The following CNTNAP5 variants were observed in gnomAD, a reference collection of about 807,000 sequenced individuals.
CNTNAP5 encodes the protein contactin associated protein family member 5.
In CNTNAP5, 72 loss-of-function variants were observed where a neutral mutation model predicts 150.2. That is an observed-to-expected ratio of 0.48 (90% CI 0.40 to 0.58). The LOEUF (loss-of-function observed/expected upper bound fraction) is 0.58. CNTNAP5 is among the 20% of genes least tolerant of loss of function. The pLI is 0.00. For missense variants in CNTNAP5, 1,636 were observed against 1,626.2 expected (o/e 1.01, Z -0.10); for synonymous variants, 672 against 619.8 (o/e 1.08, Z -1.25).
chr2:124,241,145 G>A (rs1324552124), intron 2 of CNTNAP5, among the ~76,000 whole-genome samples: 1 of 152,136 alleles, frequency 6.6e-6, no homozygotes, highest in Admixed American at 6.6e-5. Context: ...AACAGTAGAA[G>A]TGAATATTGT....
intron 1 of CNTNAP5, among the ~76,000 whole-genome samples, chr2:124,055,125 A>T (rs1200390460): frequency 6.6e-6 from 1 of 152,246 alleles, no homozygotes; most frequent in Non-Finnish European, 1.5e-5. Flanking sequence ...CACAGACAAG[A>T]AGCCAACCAA....
At chr2:124,497,827 G>A (rs1232895539) in intron 7 of CNTNAP5, among the ~76,000 whole-genome samples, 1 of 152,136 alleles carries the variant, frequency 6.6e-6, no homozygotes, top group Non-Finnish European at 1.5e-5. Flanking sequence ...TCAGACCACT[G>A]CAGTGGTTCC....
intron 12 of CNTNAP5, among the ~76,000 whole-genome samples, chr2:124,636,038 T>C (rs1036916616): frequency 2.0e-5 from 3 of 152,220 alleles, no homozygotes; most frequent in Non-Finnish European, 4.4e-5. Context: ...GCTCTCCCTC[T>C]TTAGAGTATG....
chr2:124,672,819 G>T (rs924561998), intron 13 of CNTNAP5, among the ~76,000 whole-genome samples: 6 of 151,772 alleles, frequency 4.0e-5, no homozygotes, highest in Admixed American at 2.0e-4. Flanking sequence ...TGACCAAGAA[G>T]ATTTAAAGAA....
rs183895068 is a variant in CNTNAP5, at chr2:124,910,347, C to G, written c.3656-1120C>G. Among the ~76,000 whole-genome samples, 129 of 152,108 alleles carry G rather than the reference C, an allele frequency of 8.5e-4. 1 individual carries two copies. Among genetic ancestry groups the G allele is most frequent in the African/African-American group, 3.0e-3 (123 of 41,504 alleles). On this transcript the variant is annotated intron_variant, in intron 22 of 23. Transcript: ENST00000682447. ...TAGTAAGCAAAATTATAAGAAGAAA[C>G]AAGATTTAGTGAGCACTTACGTTGT... is the stretch of plus-strand genomic sequence containing the variant.
chr2:124,540,314 G>A (rs373398551), intron 10 of CNTNAP5, among the ~76,000 whole-genome samples: 15 of 152,132 alleles, frequency 9.9e-5, no homozygotes, highest in African/African-American at 3.6e-4. Flanking sequence ...TCAAATCATT[G>A]TATTGAGAAT....
intron 11 of CNTNAP5, among the ~76,000 whole-genome samples, chr2:124,608,684 C>T (rs1677306277): frequency 6.6e-6 from 1 of 152,154 alleles, no homozygotes; most frequent in Admixed American, 6.5e-5. Context: ...CAGTGGTTCA[C>T]ACATGTAATC....
At chr2:124,177,906 G>A (rs1685107706) in intron 1 of CNTNAP5, among the ~76,000 whole-genome samples, 1 of 150,818 alleles carries the variant, frequency 6.6e-6, no homozygotes, top group African/African-American at 2.4e-5. Context: ...GAGTGCAGTG[G>A]CATGGTCTCG....
At chr2:124,207,025 A>G (rs1177694444) in intron 1 of CNTNAP5, among the ~76,000 whole-genome samples, 1 of 152,238 alleles carries the variant, frequency 6.6e-6, no homozygotes, top group Admixed American at 6.5e-5. Flanking sequence ...GATGTTTAGT[A>G]TCAAATGGTA....
chr2:124,827,624 A>G (rs767604323), intron 19 of CNTNAP5, among the ~76,000 whole-genome samples: 11 of 152,180 alleles, frequency 7.2e-5, no homozygotes, highest in Non-Finnish European at 1.2e-4. Context: ...GTGAAGACGA[A>G]CATAGTCCAC....
intron 1 of CNTNAP5, among the ~76,000 whole-genome samples, chr2:124,051,506 C>T (rs968471658): frequency 1.3e-5 from 2 of 152,186 alleles, no homozygotes; most frequent in Admixed American, 6.5e-5. Context: ...TTAAAAATGG[C>T]ATATGACAGG....
chr2:124,310,945 C>T (rs967385462), intron 3 of CNTNAP5, among the ~76,000 whole-genome samples: 8 of 152,098 alleles, frequency 5.3e-5, no homozygotes, highest in African/African-American at 1.9e-4. Context: ...TCGACACTTT[C>T]ATGACTGTTT....
chr2:124,277,136 G>T (rs1558830970), intron 3 of CNTNAP5, among the ~76,000 whole-genome samples: 1 of 152,138 alleles, frequency 6.6e-6, no homozygotes, highest in South Asian at 2.1e-4. Context: ...AGAACAGGCT[G>T]CTTTTAAATA....
intron 11 of CNTNAP5, among the ~76,000 whole-genome samples, chr2:124,566,337 T>C (rs998437853): frequency 3.3e-5 from 5 of 152,170 alleles, no homozygotes; most frequent in African/African-American, 1.2e-4. Context: ...CAAAAGTAAT[T>C]TAACAATTTT....
intron 17 of CNTNAP5, among the ~76,000 whole-genome samples, chr2:124,776,554 CT>C (rs1681328905): frequency 1.3e-5 from 2 of 152,136 alleles, no homozygotes; most frequent in African/African-American, 4.8e-5. Context: ...TTCCTAAACT[CT>C]TGATTTGTGG....
chr2:124,286,247 G>A (rs1189692533), intron 3 of CNTNAP5, among the ~76,000 whole-genome samples: 3 of 152,114 alleles, frequency 2.0e-5, no homozygotes, highest in Admixed American at 2.0e-4. Flanking sequence ...CCTTTCCCTT[G>A]GGAATGCCAT....
chr2:124,900,499 A>C (rs1287730056), intron 21 of CNTNAP5, among the ~76,000 whole-genome samples: 4 of 151,494 alleles, frequency 2.6e-5, no homozygotes, highest in Non-Finnish European at 4.4e-5. Flanking sequence ...CTTATAGTAC[A>C]TCTGGAAGAA....
In CNTNAP5 at chr2:124,806,075, A is replaced by G. The variant is rs573095257; in HGVS notation, c.3217+7755A>G. 7.4e-4 allele frequency among the ~76,000 whole-genome samples: 112 copies of G among 152,338 alleles called. 2 individuals carry two copies. Among genetic ancestry groups the G allele is most frequent in the Middle Eastern group, 3.4e-3 (1 of 294 alleles). Reference sequence around the variant, plus strand: ...CCTGCCATGTGCTAGATGCTGTTCCATGTGCTCATGGTAGAAAAATAAGTA... The same window carrying G: ...CCTGCCATGTGCTAGATGCTGTTCCGTGTGCTCATGGTAGAAAAATAAGTA... On this transcript the variant is annotated intron_variant, in intron 19 of 23. Coordinates refer to ENST00000682447, the MANE Select transcript of CNTNAP5 (RefSeq NM_001367498.1).
intron 3 of CNTNAP5, among the ~76,000 whole-genome samples, chr2:124,336,248 C>T (rs74984403): frequency 0.12 from 18,874 of 152,110 alleles, 1,269 homozygotes; most frequent in Non-Finnish European, 0.14. Flanking sequence ...CAAAAAAAGT[C>T]TTCCCTCCCT....
Sources: allele counts gnomAD v4.1 joint callset (sites outside exome capture counted in the v4.1 genomes callset), GRCh38; gene constraint gnomAD v4.1.1; transcripts MANE v1.5; gene names NCBI Gene and HGNC (gene_info 2026-07-23, HGNC 2026-07-21).